CCBE1: variants seen among roughly 807,000 people sequenced by gnomAD.
CCBE1 encodes collagen and calcium-binding EGF domain-containing protein 1.
Under a neutral mutation model 50.0 loss-of-function variants are expected in CCBE1, and 37 were observed. The ratio of observed to expected loss-of-function variants is 0.74; its 90% confidence interval spans 0.57 to 0.97. The LOEUF (loss-of-function observed/expected upper bound fraction) is 0.97. CCBE1 is among the 50% of genes least tolerant of loss of function. The pLI, the probability that CCBE1 is intolerant of heterozygous loss-of-function variation, is 0.00. For synonymous variants in CCBE1, 234 were observed against 203.7 expected (o/e 1.15, Z -1.27); for missense variants, 538 against 523.8 (o/e 1.03, Z -0.26).
chr18:59,500,965 C>T (rs188954208), intron 2 of CCBE1, among the ~76,000 whole-genome samples: 7 of 152,340 alleles, frequency 4.6e-5, no homozygotes, highest in Non-Finnish European at 8.8e-5. Flanking sequence ...CAACCACCCA[C>T]ACATTGGTTC....
At chr18:59,607,406 A>G (rs1293897355) in intron 2 of CCBE1, among the ~76,000 whole-genome samples, 1 of 152,150 alleles carries the variant, frequency 6.6e-6, no homozygotes, top group Non-Finnish European at 1.5e-5. Context: ...ATTTACCATT[A>G]TTGTTCCAGT....
At chr18:59,670,859 A>C (rs2054420872) in intron 2 of CCBE1, among the ~76,000 whole-genome samples, 1 of 152,016 alleles carries the variant, frequency 6.6e-6, no homozygotes, top group Non-Finnish European at 1.5e-5. Context: ...GAGCCAGGAG[A>C]ATCACTTGAG....
chr18:59,436,268 T>A, intron 10 of CCBE1, 127 bp from the exon 11 acceptor site: 2 of 801,444 alleles, frequency 2.5e-6, no homozygotes, highest in Non-Finnish European at 4.3e-6. Context: ...ATGGAGCCAA[T>A]GTGAGGACTG....
Position 59,433,148 on chromosome 18 carries a change from G to T in CCBE1, c.*2760C>A, listed in dbSNP as rs566233610. On this transcript the variant is annotated 3_prime_UTR_variant, in exon 11 of 11. Coordinates refer to ENST00000439986, the MANE Select transcript of CCBE1 (RefSeq NM_133459.4). ...GGAGGAAGGAAAGATGCTAGATAAA[G>T]AGCACCCCACCCTAAAAAGAAATTT... The T allele has an allele frequency of 2.0e-5, 3 of 152,196 alleles. No individual in the cohort carries two copies. The highest frequency in any genetic ancestry group is 7.2e-5 in the African/African-American group (3 of 41,532). 9.4% of individuals were successfully genotyped at this position (152,196 alleles called of 1,614,324 possible). A position where few individuals can be genotyped will look rare whatever the true frequency, so the allele number is the denominator to read the frequency against.
chr18:59,632,242 C>T (rs2053858764), intron 2 of CCBE1, among the ~76,000 whole-genome samples: 1 of 152,144 alleles, frequency 6.6e-6, no homozygotes. Flanking sequence ...GTTGAGCAGG[C>T]AAGGAAGGGC....
At chr18:59,693,734 C>T (rs948485267) in intron 2 of CCBE1, among the ~76,000 whole-genome samples, 6 of 151,712 alleles carry the variant, frequency 4.0e-5, no homozygotes, top group Admixed American at 6.6e-5. Flanking sequence ...TTTCTGAGCT[C>T]GTAATAGATG....
At chr18:59,476,638 C>T (rs533917696) in intron 3 of CCBE1, among the ~76,000 whole-genome samples, 11 of 152,372 alleles carry the variant, frequency 7.2e-5, no homozygotes, top group African/African-American at 2.4e-4. Flanking sequence ...GGCCACAGTT[C>T]ACTGAGCCCT....
chr18:59,652,204 T>C (rs1055820773), intron 2 of CCBE1, among the ~76,000 whole-genome samples: 22 of 151,968 alleles, frequency 1.4e-4, no homozygotes, highest in Non-Finnish European at 2.6e-4. Context: ...TTCATTTTGA[T>C]GGCTGAATAG....
chr18:59,666,445 G>A (rs1284730404), intron 2 of CCBE1, among the ~76,000 whole-genome samples: 2 of 152,112 alleles, frequency 1.3e-5, no homozygotes, highest in Non-Finnish European at 2.9e-5. Context: ...AAAACCAGGA[G>A]CAAATGACAT....
rs1487754332 is a variant in CCBE1, at chr18:59,593,009, G to A, written c.212+103620C>T. ...TTTAGAGATCAGTGATGCGTACATG[G>A]GCAATAAAACTATGAAATGCAAGGA... On this transcript the variant is annotated intron_variant, in intron 2 of 10. Coordinates refer to ENST00000439986, the MANE Select transcript of CCBE1 (RefSeq NM_133459.4). 2.6e-5 allele frequency among the ~76,000 whole-genome samples: 4 copies of A among 152,222 alleles called. No individual in the cohort carries two copies. In the East Asian group the frequency reaches 5.8e-4, roughly 22 times the overall value.
At chr18:59,568,002 C>T (rs71357644) in intron 2 of CCBE1, among the ~76,000 whole-genome samples, 10,110 of 152,076 alleles carry the variant, frequency 0.066, 402 homozygotes, top group Non-Finnish European at 0.094. Flanking sequence ...GCTGTGGTAG[C>T]TATTCTTTTT....
chr18:59,566,099 A>T (rs138331349), intron 2 of CCBE1, among the ~76,000 whole-genome samples: 1,767 of 152,326 alleles, frequency 0.012, 23 homozygotes, highest in African/African-American at 0.039. Context: ...AATACCCAGG[A>T]CACACACTGC....
chr18:59,460,270 C>G (rs530744477), intron 5 of CCBE1, among the ~76,000 whole-genome samples: 5 of 152,330 alleles, frequency 3.3e-5, no homozygotes, highest in African/African-American at 1.2e-4. Context: ...TAACAACCAG[C>G]TGAGGTTGTG....
chr18:59,645,921 C>T lies in CCBE1; in HGVS notation c.212+50708G>A, dbSNP rs552452211. Among the ~76,000 whole-genome samples, 357 of 152,120 alleles carry T rather than the reference C, an allele frequency of 2.3e-3. 1 individual carries two copies. The highest frequency in any genetic ancestry group is 8.0e-3 in the African/African-American group (330 of 41,504). On this transcript the variant is annotated intron_variant, in intron 2 of 10. Coordinates refer to ENST00000439986, the MANE Select transcript of CCBE1 (RefSeq NM_133459.4). ...TGGCGGGTGCCTGTAGTCCCAGTGA[C>T]TTGGGAGGCTGAGGCAGGAGAATGG... is the stretch of plus-strand genomic sequence containing the variant.
intron 2 of CCBE1, among the ~76,000 whole-genome samples, chr18:59,685,476 T>C (rs1415210958): frequency 2.6e-5 from 4 of 152,216 alleles, no homozygotes; most frequent in South Asian, 2.1e-4. Context: ...TTAGTGGCCA[T>C]GGAATAAACA....
chr18:59,527,779 A>G (rs1223836488), intron 2 of CCBE1, among the ~76,000 whole-genome samples: 1 of 152,178 alleles, frequency 6.6e-6, no homozygotes, highest in African/African-American at 2.4e-5. Flanking sequence ...TGGGTTGGAA[A>G]TTCTTTTAAA....
intron 2 of CCBE1, among the ~76,000 whole-genome samples, chr18:59,695,670 A>G (rs1280623993): frequency 6.6e-6 from 1 of 152,166 alleles, no homozygotes; most frequent in Admixed American, 6.5e-5. Context: ...ACAACCTTAT[A>G]AGGAATAAAA....
At chr18:59,573,140 C>A (rs1385906441) in intron 2 of CCBE1, among the ~76,000 whole-genome samples, 3 of 151,188 alleles carry the variant, frequency 2.0e-5, no homozygotes, top group African/African-American at 7.3e-5. Context: ...CAAAAATAAG[C>A]CAGGTAAGGT....
At chr18:59,503,533 T>A (rs1913726736) in intron 2 of CCBE1, among the ~76,000 whole-genome samples, 1 of 152,120 alleles carries the variant, frequency 6.6e-6, no homozygotes, top group Non-Finnish European at 1.5e-5. Flanking sequence ...GGACTGACAC[T>A]TGGAAATGTT....
Sources: gnomAD v4.1 joint callset for allele counts (sites outside exome capture counted in the v4.1 genomes callset) on GRCh38, gnomAD v4.1.1 for gene constraint, MANE v1.5 for transcripts, NCBI Gene and HGNC (gene_info 2026-07-23, HGNC 2026-07-21) for gene names.